The following COA1 variants were observed in gnomAD, a reference collection of about 807,000 sequenced individuals.
The protein encoded by COA1 is cytochrome c oxidase assembly factor 1.
In COA1, 13 loss-of-function variants were observed where a neutral mutation model predicts 16.0. That is an observed-to-expected ratio of 0.81 (90% CI 0.53 to 1.29). The LOEUF is 1.29. COA1 is among the 50% of genes most tolerant of loss of function. COA1 has a pLI of 0.00. For synonymous variants in COA1, 65 were observed against 65.7 expected, an observed-to-expected ratio of 0.99 and a Z score of 0.05; for missense variants, 179 against 177.0, an observed-to-expected ratio of 1.01 and a Z score of -0.06.
chr7:43,664,077 G>T (rs1476337987), intron 1 of COA1, among the ~76,000 whole-genome samples: 1 of 128,874 alleles, frequency 7.8e-6, no homozygotes, highest in East Asian at 2.3e-4. Flanking sequence ...TTTAAAAAAT[G>T]GAATCATTTA....
At chr7:43,621,840 AG>A (rs1407809019) in intron 6 of COA1, among the ~76,000 whole-genome samples, 1 of 149,594 alleles carries the variant, frequency 6.7e-6, no homozygotes, top group East Asian at 2.0e-4. Flanking sequence ...AGAAAAACAA[AG>A]GGACTCTCCT....
At chr7:43,637,640 C>G (rs1400949724), downstream of COA1, among the ~76,000 whole-genome samples, 3 of 152,178 alleles carry the variant, frequency 2.0e-5, no homozygotes, top group East Asian at 5.8e-4. Flanking sequence ...GTGTCTACTG[C>G]AGTGATCAAG....
intron 1 of COA1, among the ~76,000 whole-genome samples, chr7:43,696,988 G>A (rs2094548767): frequency 6.6e-6 from 1 of 151,874 alleles, no homozygotes; most frequent in South Asian, 2.1e-4. Context: ...ACTCGGCATG[G>A]TGACACACGC....
chr7:43,671,748 G>C (rs1166553320), intron 1 of COA1, among the ~76,000 whole-genome samples: 2 of 152,152 alleles, frequency 1.3e-5, no homozygotes, highest in Admixed American at 1.3e-4. Context: ...AGACCAGGTG[G>C]AGGTAATCAG....
intron 1 of COA1, among the ~76,000 whole-genome samples, chr7:43,710,522 G>A (rs2095209166): frequency 6.6e-6 from 1 of 151,444 alleles, no homozygotes; most frequent in Non-Finnish European, 1.5e-5. Flanking sequence ...TAGCTCTTTG[G>A]TAGGTGAAGA....
chr7:43,615,786 C>T (rs1052247504), intron 6 of COA1, among the ~76,000 whole-genome samples: 2 of 152,162 alleles, frequency 1.3e-5, no homozygotes, highest in Non-Finnish European at 2.9e-5. Flanking sequence ...CTCTATACTT[C>T]TCTTCCCTCT....
intron 6 of COA1, among the ~76,000 whole-genome samples, chr7:43,618,338 G>A (rs2083537988): frequency 1.3e-5 from 2 of 152,180 alleles, no homozygotes; most frequent in African/African-American, 2.4e-5. Flanking sequence ...CAGAAAAGGG[G>A]AGAGGGCGTC....
chr7:43,627,827 C>G (rs1268899558), intron 6 of COA1, among the ~76,000 whole-genome samples: 4 of 152,196 alleles, frequency 2.6e-5, no homozygotes, highest in African/African-American at 9.7e-5. Flanking sequence ...CTCCTTTAAC[C>G]ACACTCCTGT....
At chr7:43,726,885 AT>A (rs2095627450) in intron 1 of COA1, among the ~76,000 whole-genome samples, 1 of 152,234 alleles carries the variant, frequency 6.6e-6, no homozygotes, top group South Asian at 2.1e-4. Flanking sequence ...CTGAGTACAC[AT>A]TTCTCCAAAG....
chr7:43,710,394 A>ATATATT (rs1417053077), intron 1 of COA1, among the ~76,000 whole-genome samples: 4 of 135,384 alleles, frequency 3.0e-5, no homozygotes, highest in East Asian at 4.1e-4. Context: ...ATATATATAT[A>ATATATT]TTTTTAAGAT....
At chr7:43,709,321 C>T (rs1214007453) in intron 1 of COA1, among the ~76,000 whole-genome samples, 4 of 151,916 alleles carry the variant, frequency 2.6e-5, no homozygotes, top group African/African-American at 4.8e-5. Context: ...CCACCATGCC[C>T]GGCCTATCTC....
At chr7:43,657,034 GAAATA>G (rs1477545173) in intron 1 of COA1, among the ~76,000 whole-genome samples, 4 of 151,754 alleles carry the variant, frequency 2.6e-5, no homozygotes, top group African/African-American at 7.3e-5. Flanking sequence ...ATCTCAAAAA[GAAATA>G]AAATAAAATA....
intron 1 of COA1, among the ~76,000 whole-genome samples, chr7:43,661,649 A>AAG (rs1005746470): frequency 1.7e-4 from 25 of 148,788 alleles, no homozygotes; most frequent in Admixed American, 7.3e-4. Context: ...AAAAAAAAAA[A>AAG]AGAGACATTT....
intron 6 of COA1, chr7:43,619,819 C>G: frequency 7.0e-7 from 1 of 1,429,210 alleles, no homozygotes; most frequent in Non-Finnish European, 9.5e-7. Context: ...AGCCAGCTAT[C>G]TACTATGTTG....
downstream of COA1, among the ~76,000 whole-genome samples, chr7:43,634,412 G>A (rs1380161918): frequency 6.6e-6 from 1 of 152,204 alleles, no homozygotes; most frequent in Non-Finnish European, 1.5e-5. Flanking sequence ...ATACAGGCAG[G>A]GGGAGGGGTG....
intron 6 of COA1, chr7:43,631,963 C>T (rs1208527850): frequency 3.9e-5 from 6 of 152,164 alleles, no homozygotes; most frequent in Admixed American, 3.9e-4. Flanking sequence ...AGATAAGTTG[C>T]TGAAGCCTGC....
In COA1 at chr7:43,726,130, A is replaced by G. The variant is rs1396127672; in HGVS notation, c.-39+3299T>C. Among the ~76,000 whole-genome samples, 3 of 152,210 alleles carry G rather than the reference A, an allele frequency of 2.0e-5. No individual in the cohort carries two copies. In the East Asian group the frequency reaches 5.8e-4, roughly 29 times the overall value. On this transcript the variant is annotated intron_variant, in intron 1 of 5. Transcript: ENST00000223336. ...TCACAAATCTAATGCAGCATATGAAACATGAACAAGAGGATAAAAGAATAA... is the reference window on the plus strand; with the variant it reads ...TCACAAATCTAATGCAGCATATGAAGCATGAACAAGAGGATAAAAGAATAA...
chr7:43,615,980 G>A (rs1319236239), intron 6 of COA1, among the ~76,000 whole-genome samples: 3 of 152,144 alleles, frequency 2.0e-5, no homozygotes, highest in Non-Finnish European at 4.4e-5. Flanking sequence ...CCTGCTTTGA[G>A]TTCCCCATAG....
chr7:43,651,633 G>A (rs527399343), intron 1 of COA1, among the ~76,000 whole-genome samples: 1 of 148,298 alleles, frequency 6.7e-6, no homozygotes, highest in Admixed American at 6.8e-5. Flanking sequence ...AAGGGTGGAA[G>A]CAGGAAGGTG....
Sources: gnomAD v4.1 joint callset for allele counts (sites outside exome capture counted in the v4.1 genomes callset) on GRCh38, gnomAD v4.1.1 for gene constraint, MANE v1.5 for transcripts, NCBI Gene and HGNC (gene_info 2026-07-23, HGNC 2026-07-21) for gene names.